CLCN4: variants seen among roughly 807,000 people sequenced by gnomAD.
CLCN4 encodes Cl-/H+ antiporter 4, also known as H(+)/Cl(-) exchange transporter 4.
A neutral mutation model predicts 41.7 loss-of-function variants in CLCN4; 1 was observed. The observed-to-expected ratio is 0.02, with a 90% confidence interval of 0.01 to 0.11. The LOEUF (loss-of-function observed/expected upper bound fraction) is 0.11. Among genes scored for constraint, CLCN4 ranks in the 10% least tolerant of loss-of-function variants. The pLI, the probability that CLCN4 is intolerant of heterozygous loss-of-function variation, is 1.00. For synonymous variants in CLCN4, 277 were observed against 285.8 expected (o/e 0.97, Z 0.31); for missense variants, 287 against 661.0 (o/e 0.43, Z 6.20).
At position 10,168,299 on chromosome X, in the gene CLCN4, C is replaced by T. The variant is rs192482405; in HGVS notation, c.-12+9748C>T. The stretch of plus-strand genomic sequence containing the variant: ...CAGATGCGGGATGTCATTTTTGATG[C>T]GAGCAGCCCCCTTTTCCTCCAGCAC... On this transcript the variant is annotated intron_variant, in intron 2 of 12. Transcript: ENST00000380833. Among the ~76,000 whole-genome samples, 6 of 111,543 alleles carry T rather than the reference C, an allele frequency of 5.4e-5. No individual in the cohort carries two copies. The Admixed American group carries it at 5.7e-4, about 11-fold the overall frequency.
intron 2 of CLCN4, among the ~76,000 whole-genome samples, chrX:10,177,580 C>A (rs2147163817): frequency 8.9e-6 from 1 of 112,002 alleles, no homozygotes; most frequent in African/African-American, 3.2e-5. Context: ...TGTTTCGTCC[C>A]ATGATCTGAG....
At chrX:10,182,241 A>G (rs1170767982) in intron 2 of CLCN4, among the ~76,000 whole-genome samples, 1 of 112,127 alleles carries the variant, frequency 8.9e-6, no homozygotes, top group African/African-American at 3.2e-5. Context: ...GCTCAAGTTC[A>G]TTCTACCTAT....
chrX:10,211,995 AG>A (rs1924567288), intron 9 of CLCN4, among the ~76,000 whole-genome samples: 1 of 112,044 alleles, frequency 8.9e-6, no homozygotes, highest in African/African-American at 3.2e-5. Context: ...TGGAAGATCC[AG>A]GGTGGCTGCA....
chrX:10,187,260 A>G (rs1323911487), intron 3 of CLCN4, among the ~76,000 whole-genome samples: 1 of 112,084 alleles, frequency 8.9e-6, no homozygotes, highest in East Asian at 2.8e-4. Flanking sequence ...TATGTTTTTT[A>G]ATTAAGTGAA....
intron 2 of CLCN4, among the ~76,000 whole-genome samples, chrX:10,164,476 G>A (rs1923194437): frequency 9.0e-6 from 1 of 111,655 alleles, no homozygotes; most frequent in Non-Finnish European, 1.9e-5. Flanking sequence ...GACATGTTGA[G>A]ACTGGGTTAA....
At chrX:10,162,999 T>TA (rs1367846281) in intron 2 of CLCN4, among the ~76,000 whole-genome samples, 2 of 113,298 alleles carry the variant, frequency 1.8e-5, no homozygotes. Flanking sequence ...ATGTTCATAA[T>TA]AAAAAATTAA....
intron 12 of CLCN4, among the ~76,000 whole-genome samples, 189 bp from the exon 13 acceptor site, chrX:10,233,305 A>G (rs1925169484): frequency 9.0e-6 from 1 of 111,635 alleles, no homozygotes; most frequent in Admixed American, 9.5e-5. Context: ...GAGACCTGGG[A>G]GCAGCATCTG....
chrX:10,188,557 C>T (rs914159110), intron 4 of CLCN4, among the ~76,000 whole-genome samples: 7 of 112,362 alleles, frequency 6.2e-5, no homozygotes, highest in East Asian at 5.6e-4. Context: ...CCAGCCCTTC[C>T]GGGAAATAGT....
chrX:10,173,493 C>T (rs899416164), intron 2 of CLCN4, among the ~76,000 whole-genome samples: 1 of 111,174 alleles, frequency 9.0e-6, no homozygotes, highest in African/African-American at 3.3e-5. Flanking sequence ...CCGTGGGGTT[C>T]CCTGGCAGTA....
intron 2 of CLCN4, among the ~76,000 whole-genome samples, chrX:10,177,211 C>G (rs1199303208): frequency 8.9e-6 from 1 of 112,581 alleles, no homozygotes; most frequent in East Asian, 2.8e-4. Context: ...AAACACAGCA[C>G]CAGGCATTGA....
At chrX:10,180,767 C>CAAAAAAAA (rs869040200) in intron 2 of CLCN4, among the ~76,000 whole-genome samples, 34 of 24,948 alleles carry the variant, frequency 1.4e-3, no homozygotes, top group Non-Finnish European at 1.9e-3. Flanking sequence ...AACTCCATCT[C>CAAAAAAAA]AAAAAAAAAA....
chrX:10,194,426 G>A (rs1021821120), intron 4 of CLCN4, among the ~76,000 whole-genome samples: 6 of 111,549 alleles, frequency 5.4e-5, no homozygotes, highest in Non-Finnish European at 7.5e-5. Context: ...GGATCTTCCC[G>A]AATTTGGTTC....
intron 9 of CLCN4, among the ~76,000 whole-genome samples, chrX:10,211,347 G>A (rs1488534073): frequency 3.7e-5 from 4 of 108,352 alleles, no homozygotes; most frequent in African/African-American, 1.0e-4. Context: ...ATACAAACCT[G>A]AATTTGGGCC....
At chrX:10,216,548 G>T (rs1195429043) in intron 11 of CLCN4, among the ~76,000 whole-genome samples, 1 of 111,012 alleles carries the variant, frequency 9.0e-6, no homozygotes, top group East Asian at 2.9e-4. Context: ...GATGATTAAA[G>T]GGTGGAAAGT....
Position 10,236,583 on chromosome X carries a change from TGTCTTTCTTGTAAAC to T in CLCN4, c.*3002_*3016del, listed in dbSNP as rs1177253374. On this transcript the variant is annotated 3_prime_UTR_variant, in exon 13 of 13. Coordinates refer to ENST00000380833, the MANE Select transcript of CLCN4 (RefSeq NM_001830.4). ...CCATGGGGAACATGCTGCCATGCTC[TGTCTTTCTTGTAAAC>T]GTAGTTGGGTAGGGATCCCAAGGGT... The T allele has an allele frequency of 8.9e-6, 1 of 111,788 alleles. No individual in the cohort carries two copies. Among genetic ancestry groups the T allele is most frequent in the African/African-American group, 3.3e-5 (1 of 30,736 alleles). 9.2% of individuals were successfully genotyped at this position (111,788 alleles called of 1,213,427 possible).
chrX:10,221,758 G>A (rs1924867838), intron 12 of CLCN4, among the ~76,000 whole-genome samples: 1 of 112,623 alleles, frequency 8.9e-6, no homozygotes, highest in Admixed American at 9.3e-5. Flanking sequence ...GAAGTTGGCT[G>A]TGGGGTGGGT....
At position 10,235,961 on chromosome X, in the gene CLCN4, G is replaced by A. The variant is rs1165946950; in HGVS notation, c.*2377G>A. On this transcript the variant is annotated 3_prime_UTR_variant, in exon 13 of 13. Transcript: ENST00000380833. ...CTGCGGAACGTTTACAAGTGAAGTT[G>A]GATTCTCCTGGGCTTTAAATCCAAA... is the stretch of plus-strand genomic sequence containing the variant. 1 of 112,461 alleles carries A rather than the reference G, an allele frequency of 8.9e-6. No homozygotes were observed. The highest frequency in any genetic ancestry group is 2.8e-4 in the East Asian group (1 of 3,582). 9.3% of individuals were successfully genotyped at this position (112,461 alleles called of 1,213,427 possible). A position where few individuals can be genotyped will look rare whatever the true frequency, so the allele number is the denominator to read the frequency against.
chrX:10,171,782 C>T (rs1923391630), intron 2 of CLCN4, among the ~76,000 whole-genome samples: 1 of 111,725 alleles, frequency 9.0e-6, no homozygotes, highest in Non-Finnish European at 1.9e-5. Context: ...GAGTCCTCTC[C>T]CAGTGGGGTC....
chrX:10,189,400 C>T (rs1923897931), intron 4 of CLCN4, among the ~76,000 whole-genome samples: 1 of 111,422 alleles, frequency 9.0e-6, no homozygotes, highest in Non-Finnish European at 1.9e-5. Context: ...TATGCTGCTG[C>T]CCTGGCTTCA....
Sources: gnomAD v4.1 joint callset for allele counts (sites outside exome capture counted in the v4.1 genomes callset) on GRCh38, gnomAD v4.1.1 for gene constraint, MANE v1.5 for transcripts, NCBI Gene and HGNC (gene_info 2026-07-23, HGNC 2026-07-21) for gene names.